The following NXPH1 variants were observed in gnomAD, a reference collection of about 807,000 sequenced individuals.
The protein encoded by NXPH1 is neurexophilin 1.
Under a neutral mutation model 23.7 loss-of-function variants are expected in NXPH1, and 5 were observed. That is an observed-to-expected ratio of 0.21 (90% confidence interval 0.11 to 0.44). The LOEUF (loss-of-function observed/expected upper bound fraction) is 0.44, where lower values mean the gene tolerates loss of function less well. Ranked by LOEUF, NXPH1 falls within the 20% of genes least tolerant of loss-of-function variation. The probability of loss-of-function intolerance (pLI) is 0.99; values close to 1 mark genes in which losing one functional copy is unlikely to be tolerated. For synonymous variants in NXPH1, 144 were observed against 122.2 expected, an observed-to-expected ratio of 1.18 and a Z score of -1.18; for missense variants, 324 against 321.6, an observed-to-expected ratio of 1.01 and a Z score of -0.06.
At chr7:8,585,104 A>C (rs1033277362) in intron 2 of NXPH1, among the ~76,000 whole-genome samples, 1 of 152,148 alleles carries the variant, frequency 6.6e-6, no homozygotes, top group Non-Finnish European at 1.5e-5. Context: ...CTCTCTTTTC[A>C]TTGGGAAATA....
rs561709356 is a variant in NXPH1, at chr7:8,453,320, T to G, written c.54+17553T>G. Among the ~76,000 whole-genome samples, 13 of 152,186 alleles carry G rather than the reference T, an allele frequency of 8.5e-5. No individual in the cohort carries two copies. The East Asian group carries it at 2.5e-3, about 29-fold the overall frequency. ...ACATCTGAAAATCATTCTAAATATTTTAATTGGCAGGAAAGAGACAAAAAA... is the reference window on the plus strand; with the variant it reads ...ACATCTGAAAATCATTCTAAATATTGTAATTGGCAGGAAAGAGACAAAAAA... On this transcript the variant is annotated intron_variant, in intron 2 of 2. Coordinates refer to ENST00000405863, the MANE Select transcript of NXPH1 (RefSeq NM_152745.3).
At chr7:8,482,583 CCTTTTAAAT>C (rs1440537843) in intron 2 of NXPH1, among the ~76,000 whole-genome samples, 1 of 152,152 alleles carries the variant, frequency 6.6e-6, no homozygotes, top group Non-Finnish European at 1.5e-5. Context: ...TCTATTTTGG[CCTTTTAAAT>C]CAGGGGTGGA....
intron 2 of NXPH1, among the ~76,000 whole-genome samples, chr7:8,690,638 G>A (rs572908748): frequency 6.6e-6 from 1 of 152,262 alleles, no homozygotes; most frequent in Non-Finnish European, 1.5e-5. Context: ...GGATTAAATG[G>A]AATAAAGTGC....
At chr7:8,501,741 A>T (rs1035779730) in intron 2 of NXPH1, among the ~76,000 whole-genome samples, 2 of 152,190 alleles carry the variant, frequency 1.3e-5, no homozygotes. Flanking sequence ...TTTATAAATG[A>T]AGAAAATGAA....
intron 2 of NXPH1, among the ~76,000 whole-genome samples, chr7:8,460,931 T>C (rs2349481): frequency 0.38 from 57,723 of 152,142 alleles, 11,386 homozygotes; most frequent in East Asian, 0.63. Context: ...ACTCACTCAG[T>C]AGGGCCTCAT....
At chr7:8,606,208 A>C (rs1819485897) in intron 2 of NXPH1, among the ~76,000 whole-genome samples, 1 of 152,122 alleles carries the variant, frequency 6.6e-6, no homozygotes, top group African/African-American at 2.4e-5. Flanking sequence ...TAGGAAACAG[A>C]TGAACAGATT....
intron 2 of NXPH1, among the ~76,000 whole-genome samples, chr7:8,504,430 C>T (rs550400249): frequency 3.9e-4 from 59 of 151,926 alleles, no homozygotes; most frequent in African/African-American, 1.3e-3. Flanking sequence ...TCATAAGACT[C>T]AATTAGATTT....
At chr7:8,652,633 C>G (rs78128431) in intron 2 of NXPH1, among the ~76,000 whole-genome samples, 1 of 152,274 alleles carries the variant, frequency 6.6e-6, no homozygotes, top group East Asian at 1.9e-4. Context: ...ATAAACAAGA[C>G]AGGTAAGTTT....
At chr7:8,655,400 T>TTCCC (rs1820559145) in intron 2 of NXPH1, among the ~76,000 whole-genome samples, 3 of 42,868 alleles carry the variant, frequency 7.0e-5, no homozygotes, top group Non-Finnish European at 1.4e-4. Flanking sequence ...GTCTTTGTCT[T>TTCCC]TCTCTCTCTC....
chr7:8,745,199 C>G (rs1227944147), intron 2 of NXPH1, among the ~76,000 whole-genome samples: 1 of 152,102 alleles, frequency 6.6e-6, no homozygotes, highest in East Asian at 1.9e-4. Flanking sequence ...CTTTTTTTCC[C>G]CTTTCTTTAT....
chr7:8,734,158 A>G (rs1342895907), intron 2 of NXPH1, among the ~76,000 whole-genome samples: 1 of 152,076 alleles, frequency 6.6e-6, no homozygotes, highest in African/African-American at 2.4e-5. Flanking sequence ...TGTTTTTGTC[A>G]GGTTTGTCAA....
At chr7:8,731,982 C>T (rs527642336) in intron 2 of NXPH1, among the ~76,000 whole-genome samples, 1 of 152,332 alleles carries the variant, frequency 6.6e-6, no homozygotes, top group East Asian at 1.9e-4. Context: ...GCTGTGCTAG[C>T]AATCAGCAAG....
intron 2 of NXPH1, among the ~76,000 whole-genome samples, chr7:8,444,672 G>C (rs1433029405): frequency 6.6e-6 from 1 of 152,296 alleles, no homozygotes; most frequent in East Asian, 1.9e-4. Flanking sequence ...GTGTGTGTGT[G>C]GTGTGCATTT....
chr7:8,665,910 TTC>T lies in NXPH1; in HGVS notation c.55-85096_55-85095del, dbSNP rs1448644482. On this transcript the variant is annotated intron_variant, in intron 2 of 2. Coordinates refer to ENST00000405863, the MANE Select transcript of NXPH1 (RefSeq NM_152745.3). The stretch of plus-strand genomic sequence containing the variant: ...TTTATTAGTTCTAAGAGGTTTTTTT[TTC>T]TTTTTCTTTTTTTTTTTTTTTTGAA... Among the ~76,000 whole-genome samples the T allele has an allele frequency of 6.6e-3, 144 of 21,854 alleles. 1 individual carries two copies. Among genetic ancestry groups the T allele is most frequent in the African/African-American group, 0.012 (139 of 11,208 alleles). 14.3% of individuals were successfully genotyped at this position (21,854 alleles called of 152,430 possible).
intron 2 of NXPH1, among the ~76,000 whole-genome samples, chr7:8,493,605 G>T (rs1040830426): frequency 6.6e-6 from 1 of 152,026 alleles, no homozygotes; most frequent in African/African-American, 2.4e-5. Flanking sequence ...TTCTCTCCTT[G>T]ACCTGGAGTA....
At chr7:8,504,634 C>T (rs1385645151) in intron 2 of NXPH1, among the ~76,000 whole-genome samples, 3 of 152,000 alleles carry the variant, frequency 2.0e-5, no homozygotes, top group Non-Finnish European at 4.4e-5. Flanking sequence ...GCTCTGCATT[C>T]CCTTGATGCT....
chr7:8,643,159 G>A (rs989201048), intron 2 of NXPH1, among the ~76,000 whole-genome samples: 5 of 109,124 alleles, frequency 4.6e-5, no homozygotes, highest in Non-Finnish European at 8.4e-5. Context: ...CACCATGCCC[G>A]GCCAGGCATA....
At chr7:8,544,479 G>A (rs1231063137) in intron 2 of NXPH1, among the ~76,000 whole-genome samples, 1 of 151,602 alleles carries the variant, frequency 6.6e-6, no homozygotes, top group Non-Finnish European at 1.5e-5. Context: ...GACTCATAAA[G>A]AATGTTTACA....
chr7:8,538,237 TG>T lies in NXPH1; in HGVS notation c.54+102471del, dbSNP rs1332041820. On this transcript the variant is annotated intron_variant, in intron 2 of 2. Coordinates refer to ENST00000405863, the MANE Select transcript of NXPH1 (RefSeq NM_152745.3). Reference sequence around the variant, plus strand: ...GACTTGCCCCCAAATATCTGGCTGGTGACTGGCAAAGCTGGGACTGAACCAT... The same window carrying T: ...GACTTGCCCCCAAATATCTGGCTGGTACTGGCAAAGCTGGGACTGAACCAT... Among the ~76,000 whole-genome samples the T allele has an allele frequency of 2.0e-5, 3 of 152,066 alleles. No homozygotes were observed. In the East Asian group the frequency reaches 5.8e-4, roughly 30 times the overall value.
Sources: gnomAD v4.1 joint callset for allele counts (sites outside exome capture counted in the v4.1 genomes callset) on GRCh38, gnomAD v4.1.1 for gene constraint, MANE v1.5 for transcripts, NCBI Gene and HGNC (gene_info 2026-07-23, HGNC 2026-07-21) for gene names.